The following RABGGTA variants were observed in gnomAD, a reference collection of about 807,000 sequenced individuals.
RABGGTA encodes geranylgeranyl transferase type-2 subunit alpha.
In RABGGTA, 69 loss-of-function variants were observed where a neutral mutation model predicts 83.3. The ratio of observed to expected loss-of-function variants is 0.83; its 90% CI spans 0.68 to 1.01. The LOEUF (loss-of-function observed/expected upper bound fraction) is 1.01, where lower values mean the gene tolerates loss of function less well. RABGGTA is among the 50% of genes least tolerant of loss of function. The pLI, the probability that RABGGTA is intolerant of heterozygous loss-of-function variation, is 0.00. For synonymous variants in RABGGTA, 310 were observed against 299.8 expected, an observed-to-expected ratio of 1.03 and a Z score of -0.35; for missense variants, 681 against 712.7, an observed-to-expected ratio of 0.96 and a Z score of 0.51.
At position 24,269,515 on chromosome 14, in the gene RABGGTA, G is replaced by T; in HGVS notation, c.607C>A (p.Leu203Ile). 1 of 1,598,822 alleles carries T rather than the reference G, an allele frequency of 6.3e-7. No individual in the cohort carries two copies. The highest frequency in any genetic ancestry group is 8.6e-7 in the Non-Finnish European group (1 of 1,166,080). The change falls in exon 6 of 17, where the codon CTC (leucine) becomes ATC (isoleucine). Residue 203 changes from leucine to isoleucine, a missense_variant. By Grantham distance (5) the Leu-to-Ile change is conservative. This residue lies in a region of RABGGTA where 122 missense variants were observed against 118.9 expected (regional missense o/e 1.03). Transcript: ENST00000216840. The part of the protein sequence containing the change: ...PQPDSGPQGR[L>I]PEDVLLKELE... Reference sequence around the variant, plus strand: ...CCTTTGAGCAGCACATCCTCAGGGAGGCGCCCCTGTGGTCCAGAATCCGGC... The same window carrying T: ...CCTTTGAGCAGCACATCCTCAGGGATGCGCCCCTGTGGTCCAGAATCCGGC...
At position 24,268,978 on chromosome 14, in the gene RABGGTA, G is replaced by A. The variant is rs752435704; in HGVS notation, c.731C>T (p.Ala244Val). Reference sequence around the variant, plus strand: ...CCGGCTCACATGCAGGCAGCGCAGTGCATCCTGGGGGTCAGCTGCGGGGAG... The same window carrying A: ...CCGGCTCACATGCAGGCAGCGCAGTACATCCTGGGGGTCAGCTGCGGGGAG... ...WLLGRADPQD[A>V]LRCLHVSRDE... Residue 244 changes from alanine to valine, a missense_variant, in exon 8 of 17, where the codon GCA (alanine) becomes GTA (valine). Physicochemically the swap from Ala to Val is moderately conservative, Grantham distance 64. This residue lies in a region of RABGGTA where 421 missense variants were observed against 418.5 expected (regional missense o/e 1.01). Coordinates refer to ENST00000216840, the MANE Select transcript of RABGGTA (RefSeq NM_182836.3). 1.9e-6 allele frequency: 3 copies of A among 1,586,160 alleles called. No homozygotes were observed. In the Admixed American group the frequency reaches 5.3e-5, roughly 28 times the overall value.
chr14:24,266,394 A>G lies in RABGGTA; in HGVS notation c.1555+36T>C, dbSNP rs750064235. Reference sequence around the variant, plus strand: ...CCTTCCCAGGGTGGCACCTCACTTTACCCACTGTCTGAAAGGCACCCAGAA... The same window carrying G: ...CCTTCCCAGGGTGGCACCTCACTTTGCCCACTGTCTGAAAGGCACCCAGAA... On this transcript the variant is annotated intron_variant, in intron 16 of 16. Coordinates refer to ENST00000216840, the MANE Select transcript of RABGGTA (RefSeq NM_182836.3). 5 of 1,596,616 alleles carry G rather than the reference A, an allele frequency of 3.1e-6. No individual in the cohort carries two copies. In the South Asian group the frequency reaches 3.3e-5, roughly 11 times the overall value.
intron 16 of RABGGTA, 115 bp downstream of exon 16, chr14:24,266,315 C>T: frequency 1.1e-6 from 1 of 930,166 alleles, no homozygotes; most frequent in Admixed American, 1.9e-5. Context: ...CACTACAGAG[C>T]CCCCTCTCTC....
Position 24,270,159 on chromosome 14 carries a change from G to T in RABGGTA, c.240-19C>A, listed in dbSNP as rs2295312. 8.8e-6 allele frequency: 14 copies of T among 1,593,008 alleles called. No homozygotes were observed. Among genetic ancestry groups the T allele is most frequent in the African/African-American group, 2.7e-5 (2 of 74,350 alleles). On this transcript the variant is annotated intron_variant, in intron 4 of 16. Coordinates refer to ENST00000216840, the MANE Select transcript of RABGGTA (RefSeq NM_182836.3). ...AGGAGACCTGTACCCAGAAGGGAAG[G>T]GGGGGGTCAGGGCTCTCCTACAGTC...
At position 24,270,344 on chromosome 14, in the gene RABGGTA, C is replaced by G; in HGVS notation, c.229G>C (p.Glu77Gln). Reference protein sequence around the residue: ...NCRREVLQQLETQKSPEELAA... With the variant: ...NCRREVLQQLQTQKSPEELAA... The stretch of plus-strand genomic sequence containing the variant: ...TGAATCCCTACGCACTTCTGAGTCT[C>G]CAGCTGCTGGAGCACCTCTCGTCGG... Residue 77 changes from glutamate to glutamine, a missense_variant, in exon 4 of 17, where the codon GAG becomes CAG. Glu to Gln is a conservative substitution (Grantham distance 29). Transcript: ENST00000216840. 1.9e-6 allele frequency: 3 copies of G among 1,611,590 alleles called. No homozygotes were observed. The highest frequency in any genetic ancestry group is 2.5e-6 in the Non-Finnish European group (3 of 1,178,732).
In RABGGTA at chr14:24,269,624, G is replaced by A. The variant is rs752996349; in HGVS notation, c.498C>T (p.Phe166=). 1 of 1,614,012 alleles carries A rather than the reference G, an allele frequency of 6.2e-7. No homozygotes were observed. Among genetic ancestry groups the A allele is most frequent in the Non-Finnish European group, 8.5e-7 (1 of 1,179,858 alleles). The change falls in exon 6 of 17, where the codon TTC becomes TTT. Residue 166 remains phenylalanine (F), a synonymous_variant. Coordinates refer to ENST00000216840, the MANE Select transcript of RABGGTA (RefSeq NM_182836.3). ...AAVPPAEELA[F]TDSLITRNFS... The stretch of plus-strand genomic sequence containing the variant: ...AGTTTCGGGTGATGAGGCTGTCAGT[G>A]AAGGCTAGCTCTTCTGCAGGGGGCA...
chr14:24,268,798 A>C lies in RABGGTA; in HGVS notation c.827T>G (p.Leu276Arg), dbSNP rs1156934006. The C allele has an allele frequency of 6.4e-7, 1 of 1,573,216 alleles. No homozygotes were observed. The highest frequency in any genetic ancestry group is 1.2e-5 in the South Asian group (1 of 85,954). The change falls in exon 9 of 17, where the codon CTC (leucine) becomes CGC (arginine). Residue 276 changes from leucine to arginine, a missense_variant. By Grantham distance (102) the Leu-to-Arg change is moderately radical (BLOSUM62 -2). This residue lies in a region of RABGGTA where 421 missense variants were observed against 418.5 expected (regional missense o/e 1.01). Transcript: ENST00000216840. ...AATCAGGGGAGAATCATCAACCATG[A>C]GCAGCAAGATCTCCATCCTGGAGCC... ...LVGSRMEILLLMVDDSPLIVE... is the reference protein window; with the variant it reads ...LVGSRMEILLRMVDDSPLIVE...
Position 24,268,891 on chromosome 14 carries a change from A to C in RABGGTA, c.798+20T>G. ...GGCCCACAGTCCCACAGTGCTCTTG[A>C]CAAAAGCTGCAGGACTCACTAAGAG... On this transcript the variant is annotated intron_variant, in intron 8 of 16. Transcript: ENST00000216840. 1.3e-6 allele frequency: 2 copies of C among 1,578,408 alleles called. 1 individual carries two copies. Among genetic ancestry groups the C allele is most frequent in the Non-Finnish European group, 1.7e-6 (2 of 1,162,102 alleles).
chr14:24,270,557 A>T, intron 3 of RABGGTA, 99 bp from the exon 4 acceptor site: 1 of 1,448,150 alleles, frequency 6.9e-7, no homozygotes, highest in Middle Eastern at 1.7e-4. Flanking sequence ...TGAATCCCAC[A>T]TTATACAACA....
Position 24,271,132 on chromosome 14 carries a change from T to A in RABGGTA, c.-17A>T. 1 of 1,539,624 alleles carries A rather than the reference T, an allele frequency of 6.5e-7. No individual in the cohort carries two copies. Among genetic ancestry groups the A allele is most frequent in the Non-Finnish European group, 8.7e-7 (1 of 1,144,076 alleles). ...TCTCACCATGGTGCCGGCTCAGGGTTCAAGACAGGGGAAGGGTCCAGTGGT... is the reference window on the plus strand; with the variant it reads ...TCTCACCATGGTGCCGGCTCAGGGTACAAGACAGGGGAAGGGTCCAGTGGT... On this transcript the variant is annotated 5_prime_UTR_variant, in exon 2 of 17. Coordinates refer to ENST00000216840, the MANE Select transcript of RABGGTA (RefSeq NM_182836.3).
At chr14:24,265,869 C>T (rs924809066) in intron 16 of RABGGTA, 106 bp from the exon 17 acceptor site, 17 of 1,446,176 alleles carry the variant, frequency 1.2e-5, no homozygotes, top group Non-Finnish European at 1.6e-5. Context: ...GTTTGATGGG[C>T]ATCTCATATG....
intron 2 of RABGGTA, 33 bp from the exon 3 acceptor site, chr14:24,270,980 T>C (rs772129010): frequency 1.9e-6 from 3 of 1,609,718 alleles, no homozygotes; most frequent in East Asian, 2.2e-5. Flanking sequence ...AGAGTGCAGG[T>C]TGCCTTGCAG....
chr14:24,270,796 A>T, intron 3 of RABGGTA, 41 bp downstream of exon 3: 2 of 1,597,278 alleles, frequency 1.3e-6, no homozygotes, highest in Admixed American at 1.8e-5. Flanking sequence ...CACTATACTA[A>T]GGGAGCTACT....
In RABGGTA at chr14:24,267,788, G is replaced by T; in HGVS notation, c.1237-12C>A. The T allele has an allele frequency of 6.2e-7, 1 of 1,612,100 alleles. No homozygotes were observed. Among genetic ancestry groups the T allele is most frequent in the South Asian group, 1.1e-5 (1 of 90,976 alleles). ...ATGGGGTCCACGGCCTGGAGTGGAT[G>T]AGGTGGGCAGGGTATGCATGTCAGC... On this transcript the variant is annotated splice_polypyrimidine_tract_variant and intron_variant, in intron 13 of 16. Transcript: ENST00000216840.
In RABGGTA at chr14:24,268,549, G is replaced by T. The variant is rs745568957; in HGVS notation, c.971C>A (p.Ala324Glu). Residue 324 changes from alanine to glutamate, a missense_variant, in exon 10 of 17, where the codon GCA becomes GAA. This residue lies in a region of RABGGTA where 421 missense variants were observed against 418.5 expected (regional missense o/e 1.01). Transcript: ENST00000216840. ...CACGCATTCTTTCTGGACATCGCCT[G>T]CTGTCCAAATGACGCGAAATGTATG... ...PQHTFRVIWTAGDVQKECVLL... is the reference protein window; with the variant it reads ...PQHTFRVIWTEGDVQKECVLL... 6.2e-7 allele frequency: 1 copy of T among 1,613,932 alleles called. No individual in the cohort carries two copies. Among genetic ancestry groups the T allele is most frequent in the Non-Finnish European group, 8.5e-7 (1 of 1,179,898 alleles).
At chr14:24,271,010 C>T (rs1207705601) in intron 2 of RABGGTA, 63 bp from the exon 3 acceptor site, 3 of 1,602,758 alleles carry the variant, frequency 1.9e-6, no homozygotes, top group East Asian at 2.2e-5. Flanking sequence ...TGCAAAAACC[C>T]CACACTGTGG....
At position 24,271,142 on chromosome 14, in the gene RABGGTA, G is replaced by A. The variant is rs370469779; in HGVS notation, c.-27C>T. ...GTGCCGGCTCAGGGTTCAAGACAGG[G>A]GAAGGGTCCAGTGGTAGCCCTTGAA... On this transcript the variant is annotated 5_prime_UTR_variant, in exon 2 of 17. Transcript: ENST00000216840. The A allele has an allele frequency of 2.0e-6, 3 of 1,533,390 alleles. No individual in the cohort carries two copies. The highest frequency in any genetic ancestry group is 1.8e-6 in the Non-Finnish European group (2 of 1,141,246). The allele number at this position is 1,533,390 out of a possible 1,614,324, so 95.0% of individuals were successfully genotyped here.
In RABGGTA at chr14:24,270,003, G is replaced by A. The variant is rs2040925838; in HGVS notation, c.377C>T (p.Thr126Ile). ...LLGRLPEPNW[T>I]RELELCARFL... ...ACGGGCACAGAGCTCCAGCTCTCGG[G>A]TCCAGTTGGGCTCAGGCAGGCGGCC... Residue 126 changes from threonine to isoleucine, a missense_variant, in exon 5 of 17, where the codon ACC becomes ATC. Thr to Ile is a moderately conservative substitution (Grantham distance 89, BLOSUM62 -1). Coordinates refer to ENST00000216840, the MANE Select transcript of RABGGTA (RefSeq NM_182836.3). 2 of 1,613,700 alleles carry A rather than the reference G, an allele frequency of 1.2e-6. No homozygotes were observed. The highest frequency in any genetic ancestry group is 1.3e-5 in the African/African-American group (1 of 75,020).
At chr14:24,267,388 T>C (rs1004626294) in intron 14 of RABGGTA, among the ~76,000 whole-genome samples, 1 of 152,118 alleles carries the variant, frequency 6.6e-6, no homozygotes, top group Non-Finnish European at 1.5e-5. Flanking sequence ...AGGAGTGGGC[T>C]AGCGGTCACT....
Sources: allele counts gnomAD v4.1 joint callset (sites outside exome capture counted in the v4.1 genomes callset), GRCh38; gene constraint gnomAD v4.1.1; regional missense constraint gnomAD v4.1.1; transcripts MANE v1.5; gene names NCBI Gene and HGNC (gene_info 2026-07-23, HGNC 2026-07-21).